The following COL25A1 variants were observed in gnomAD, a reference collection of about 807,000 sequenced individuals.
The protein encoded by COL25A1 is collagen type XXV alpha 1 chain.
A neutral mutation model predicts 128.4 loss-of-function variants in COL25A1; 103 were observed. The ratio of observed to expected loss-of-function variants is 0.80; its 90% CI spans 0.68 to 0.94. The LOEUF (loss-of-function observed/expected upper bound fraction) is 0.94. Ranked by LOEUF, COL25A1 falls within the 40% of genes least tolerant of loss-of-function variation. The probability of loss-of-function intolerance (pLI) is 0.00; values close to 1 mark genes in which losing one functional copy is unlikely to be tolerated. For missense variants in COL25A1, 745 were observed against 840.0 expected (o/e 0.89, Z 1.40); for synonymous variants, 279 against 277.2 (o/e 1.01, Z -0.06).
chr4:109,012,915 G>A (rs1756781466), intron 5 of COL25A1, among the ~76,000 whole-genome samples: 1 of 152,244 alleles, frequency 6.6e-6, no homozygotes, highest in African/African-American at 2.4e-5. Context: ...GATCCACTAG[G>A]CGAAGCCAGC....
intron 3 of COL25A1, among the ~76,000 whole-genome samples, chr4:109,134,732 G>T (rs1327486279): frequency 6.6e-6 from 1 of 152,122 alleles, no homozygotes; most frequent in East Asian, 1.9e-4. Flanking sequence ...CTGAGATGGG[G>T]AGGAAGGTGC....
intron 18 of COL25A1, among the ~76,000 whole-genome samples, chr4:108,886,485 TG>T (rs1560806442): frequency 0.019 from 2,146 of 115,652 alleles, 74 homozygotes; most frequent in African/African-American, 0.035. Flanking sequence ...TGTGTGTGTG[TG>T]TGTGTGTTTA....
chr4:108,878,165 G>GT (rs1440883748), intron 19 of COL25A1, among the ~76,000 whole-genome samples: 1 of 151,832 alleles, frequency 6.6e-6, no homozygotes, highest in African/African-American at 2.4e-5. Context: ...AAAATCTCTG[G>GT]TTTTTTCATT....
intron 3 of COL25A1, among the ~76,000 whole-genome samples, chr4:109,234,592 A>G (rs1389172702): frequency 2.6e-5 from 4 of 152,082 alleles, no homozygotes; most frequent in African/African-American, 9.7e-5. Context: ...TAACAAAAAA[A>G]CTTGCCTCAG....
At chr4:109,021,735 A>C (rs1266962589) in intron 5 of COL25A1, 1 of 453,440 alleles carries the variant, frequency 2.2e-6, no homozygotes, top group East Asian at 7.0e-5. Flanking sequence ...CCTAGCAAGG[A>C]ATATAATATT....
chr4:108,831,037 A>G (rs1376629065), intron 32 of COL25A1, among the ~76,000 whole-genome samples: 1 of 152,210 alleles, frequency 6.6e-6, no homozygotes, highest in Non-Finnish European at 1.5e-5. Flanking sequence ...GATAAAGCCA[A>G]TCTTCATCAC....
chr4:108,843,177 GAAGAAGA>G (rs1272897980), intron 30 of COL25A1, among the ~76,000 whole-genome samples: 17 of 146,592 alleles, frequency 1.2e-4, no homozygotes, highest in Non-Finnish European at 2.0e-4. Context: ...AAAAGAGGAA[GAAGAAGA>G]AAGAAGAAAG....
chr4:109,112,719 T>G (rs1441304900), intron 3 of COL25A1, among the ~76,000 whole-genome samples: 3 of 152,098 alleles, frequency 2.0e-5, no homozygotes, highest in Admixed American at 6.6e-5. Flanking sequence ...CCTGAAAAAT[T>G]TGTATAATTA....
intron 19 of COL25A1, among the ~76,000 whole-genome samples, chr4:108,870,919 A>G (rs1738630498): frequency 6.6e-6 from 1 of 152,354 alleles, no homozygotes; most frequent in East Asian, 1.9e-4. Context: ...TTCATTCTTT[A>G]GAAAAACAAA....
At chr4:109,146,824 A>G (rs1350056707) in intron 3 of COL25A1, among the ~76,000 whole-genome samples, 1 of 152,194 alleles carries the variant, frequency 6.6e-6, no homozygotes. Flanking sequence ...AATGACCTCC[A>G]AATTTTACAC....
intron 13 of COL25A1, among the ~76,000 whole-genome samples, chr4:108,903,337 A>G (rs1743081925): frequency 6.6e-6 from 1 of 151,974 alleles, no homozygotes; most frequent in Non-Finnish European, 1.5e-5. Context: ...TTATGGTTAC[A>G]TAGTTTCAAG....
intron 3 of COL25A1, among the ~76,000 whole-genome samples, chr4:109,277,178 TC>T (rs1722930352): frequency 6.6e-6 from 1 of 152,278 alleles, no homozygotes; most frequent in East Asian, 1.9e-4. Flanking sequence ...CATTAATTAT[TC>T]CCCCTTAGCC....
At chr4:109,128,107 A>G (rs1768805878) in intron 3 of COL25A1, among the ~76,000 whole-genome samples, 1 of 152,176 alleles carries the variant, frequency 6.6e-6, no homozygotes, top group Non-Finnish European at 1.5e-5. Context: ...AGAAGGTAAC[A>G]GTAGCCTAAA....
intron 6 of COL25A1, among the ~76,000 whole-genome samples, chr4:108,992,964 T>C (rs777736961): frequency 1.3e-5 from 2 of 152,204 alleles, no homozygotes; most frequent in Non-Finnish European, 2.9e-5. Context: ...TTCAGAAGTA[T>C]ATATACATTG....
intron 3 of COL25A1, among the ~76,000 whole-genome samples, chr4:109,226,791 T>C (rs975840952): frequency 3.3e-5 from 5 of 152,174 alleles, no homozygotes; most frequent in African/African-American, 7.2e-5. Flanking sequence ...GAACACGTGA[T>C]AGGCCACCTT....
rs780209390 is a variant in COL25A1 at position 108,863,327 on chromosome 4, C to T, written c.1144G>A (p.Gly382Arg). 6 of 1,613,460 alleles carry T rather than the reference C, an allele frequency of 3.7e-6. No individual in the cohort carries two copies. The highest frequency in any genetic ancestry group is 1.1e-5 in the South Asian group (1 of 91,020). ...RGERGEPGAP[G>R]PKGKQGESGT... Reference sequence around the variant, plus strand: ...GTTTAAGAATAACTCACCTTTGGTCCGGGGGCTCCAGGTTCCCCTCGCTCA... The same window carrying T: ...GTTTAAGAATAACTCACCTTTGGTCTGGGGGCTCCAGGTTCCCCTCGCTCA... The change falls in exon 21 of 38, where the codon GGA becomes AGA. Residue 382 changes from glycine (G) to arginine (R), a missense_variant. Around this residue, in one of 3 missense-constraint regions of COL25A1, gnomAD observed 387 missense variants for 441.9 expected, o/e 0.88. Transcript: ENST00000399132.
intron 11 of COL25A1, among the ~76,000 whole-genome samples, chr4:108,935,021 G>A (rs1747236079): frequency 6.6e-6 from 1 of 152,170 alleles, no homozygotes; most frequent in Admixed American, 6.5e-5. Context: ...CTTCACAGAT[G>A]AGAAATTGAG....
At chr4:108,952,377 T>A (rs554215573) in intron 8 of COL25A1, among the ~76,000 whole-genome samples, 1 of 152,122 alleles carries the variant, frequency 6.6e-6, no homozygotes, top group African/African-American at 2.4e-5. Context: ...CCAGAAGTCC[T>A]GTTTAGAAGG....
chr4:109,222,354 G>A (rs1053085953), intron 3 of COL25A1, among the ~76,000 whole-genome samples: 7 of 151,956 alleles, frequency 4.6e-5, no homozygotes, highest in Non-Finnish European at 8.8e-5. Context: ...GAGCCACAGC[G>A]CCTGGCCAAC....
Sources: allele counts gnomAD v4.1 joint callset (sites outside exome capture counted in the v4.1 genomes callset), GRCh38; gene constraint gnomAD v4.1.1; regional missense constraint gnomAD v4.1.1; transcripts MANE v1.5; gene names NCBI Gene and HGNC (gene_info 2026-07-23, HGNC 2026-07-21).